The following CCDC88A variants were observed in gnomAD, a reference collection of about 807,000 sequenced individuals.
CCDC88A encodes girdin.
In CCDC88A, 54 loss-of-function variants were observed where a neutral mutation model predicts 234.3. The observed-to-expected ratio is 0.23, with a 90% CI of 0.19 to 0.29. CCDC88A has a LOEUF of 0.29. Among genes scored for constraint, CCDC88A ranks in the 10% least tolerant of loss-of-function variants. The pLI is 1.00. For missense variants in CCDC88A, 1,832 were observed against 2,123.4 expected, an observed-to-expected ratio of 0.86 and a Z score of 2.70; for synonymous variants, 753 against 737.8, an observed-to-expected ratio of 1.02 and a Z score of -0.33.
chr2:55,341,122 A>G (rs1171535534), intron 12 of CCDC88A, among the ~76,000 whole-genome samples: 2 of 149,436 alleles, frequency 1.3e-5, no homozygotes, highest in African/African-American at 2.5e-5. Flanking sequence ...ATATTGTTGC[A>G]AATGACAGAA....
At chr2:55,418,203 C>G (rs935484994) in intron 2 of CCDC88A, 4 of 152,228 alleles carry the variant, frequency 2.6e-5, no homozygotes, top group African/African-American at 9.7e-5. Flanking sequence ...ATTTGCATTT[C>G]AAAACCTGTA....
At position 55,289,784 on chromosome 2, in the gene CCDC88A, AGAGAG is replaced by A. The variant is rs1679320680; in HGVS notation, c.*1411_*1415del. 7.0e-6 allele frequency: 1 copy of A among 141,972 alleles called. No individual in the cohort carries two copies. The highest frequency in any genetic ancestry group is 2.5e-5 in the African/African-American group (1 of 40,510). The allele number at this position is 141,972 out of a possible 1,614,324, so 8.8% of individuals were successfully genotyped here. ...GAAAGAGGGAGAGAGAAAGAGAGAG[AGAGAG>A]AGAGAGAGAGAGAGACTTTTCTTAT... On this transcript the variant is annotated 3_prime_UTR_variant, in exon 33 of 33. Coordinates refer to ENST00000436346, the MANE Select transcript of CCDC88A (RefSeq NM_001365480.1).
chr2:55,345,651 C>A (rs1669024136), intron 10 of CCDC88A: 1 of 152,604 alleles, frequency 6.6e-6, no homozygotes, highest in South Asian at 2.1e-4. Flanking sequence ...CCCACCTTGG[C>A]CTCCCAAAGT....
chr2:55,293,260 T>C (rs1310487479), intron 31 of CCDC88A, among the ~76,000 whole-genome samples: 1 of 152,216 alleles, frequency 6.6e-6, no homozygotes, highest in Non-Finnish European at 1.5e-5. Context: ...ACACTAATTA[T>C]AACATTTGTG....
Position 55,288,337 on chromosome 2 carries a change from ATCT to A in CCDC88A, c.*2860_*2862del, listed in dbSNP as rs1679209690. The A allele has an allele frequency of 1.3e-5, 2 of 152,662 alleles. No individual in the cohort carries two copies. Among genetic ancestry groups the A allele is most frequent in the South Asian group, 4.1e-4 (2 of 4,836 alleles). The allele number at this position is 152,662 out of a possible 1,614,324, so 9.5% of individuals were successfully genotyped here. ...CATTCAAGACTTAAAGAAAAAATAC[ATCT>A]CAGGACTAAGTGTAGCTGAAAAGAA... On this transcript the variant is annotated 3_prime_UTR_variant, in exon 33 of 33. Coordinates refer to ENST00000436346, the MANE Select transcript of CCDC88A (RefSeq NM_001365480.1).
At chr2:55,357,207 C>A (rs1670693671) in intron 7 of CCDC88A, among the ~76,000 whole-genome samples, 1 of 152,186 alleles carries the variant, frequency 6.6e-6, no homozygotes, top group Admixed American at 6.5e-5. Flanking sequence ...ACCATGACTC[C>A]AGGCCAGTCT....
At chr2:55,305,625 T>C (rs1361767114) in intron 25 of CCDC88A, among the ~76,000 whole-genome samples, 2 of 152,186 alleles carry the variant, frequency 1.3e-5, no homozygotes, top group Non-Finnish European at 2.9e-5. Context: ...GGCAGGAGAA[T>C]AGCTTGGGGC....
At chr2:55,292,818 G>A (rs1283124376) in intron 31 of CCDC88A, 2 of 152,194 alleles carry the variant, frequency 1.3e-5, no homozygotes, top group Non-Finnish European at 2.9e-5. Context: ...ATGATATCAC[G>A]CCACTGTACT....
chr2:55,391,891 A>G (rs1427888916), intron 2 of CCDC88A, among the ~76,000 whole-genome samples: 1 of 152,236 alleles, frequency 6.6e-6, no homozygotes, highest in Admixed American at 6.5e-5. Context: ...GATTCAGTTC[A>G]GAATCGCACT....
chr2:55,322,963 A>G (rs1683817686), intron 17 of CCDC88A: 1 of 243,836 alleles, frequency 4.1e-6, no homozygotes. Flanking sequence ...GTGGATATAG[A>G]TATGTTGCTA....
chr2:55,381,582 G>A (rs1158549147), intron 3 of CCDC88A, among the ~76,000 whole-genome samples: 1 of 142,488 alleles, frequency 7.0e-6, no homozygotes, highest in African/African-American at 2.6e-5. Flanking sequence ...AAGTGCACAT[G>A]ACTATACAGA....
At chr2:55,391,763 A>C (rs769758861) in intron 2 of CCDC88A, among the ~76,000 whole-genome samples, 1 of 152,238 alleles carries the variant, frequency 6.6e-6, no homozygotes, top group African/African-American at 2.4e-5. Context: ...GAATGAACAG[A>C]GACTAAATGA....
In CCDC88A at chr2:55,386,923, C is replaced by T. The variant is rs1675734776; in HGVS notation, c.273+1855G>A. ...GGGCGCACGGCTCATGCCTACAATC[C>T]TAGCATTTTGGGAGGCCGAGGCGGG... is the stretch of plus-strand genomic sequence containing the variant. On this transcript the variant is annotated intron_variant, in intron 3 of 32. Coordinates refer to ENST00000436346, the MANE Select transcript of CCDC88A (RefSeq NM_001365480.1). Among the ~76,000 whole-genome samples, 7 of 151,754 alleles carry T rather than the reference C, an allele frequency of 4.6e-5. No individual in the cohort carries two copies. The South Asian group carries it at 1.5e-3, about 32-fold the overall frequency.
At chr2:55,303,302 G>T in intron 25 of CCDC88A, 150 bp from the exon 26 acceptor site, 1 of 611,644 alleles carries the variant, frequency 1.6e-6, no homozygotes. Context: ...TTATTCTCAT[G>T]CTGCTGAGTG....
In CCDC88A at chr2:55,309,401, G is replaced by A. The variant is rs1011315389; in HGVS notation, c.4080-147C>T. 2.2e-6 allele frequency: 1 copy of A among 450,050 alleles called. No homozygotes were observed. The highest frequency in any genetic ancestry group is 4.0e-6 in the Non-Finnish European group (1 of 252,098). 27.9% of individuals were successfully genotyped at this position (450,050 alleles called of 1,614,324 possible). On this transcript the variant is annotated intron_variant, in intron 23 of 32. Transcript: ENST00000436346. This position sits in a 1 kb window ranked among gnomAD's most constrained non-coding sequence, Gnocchi z 5.1. ...TTGGCAACTAAGATTTCATCAGGTAGTTAACAATGGGAATTTTTCCATGTT... is the reference window on the plus strand; with the variant it reads ...TTGGCAACTAAGATTTCATCAGGTAATTAACAATGGGAATTTTTCCATGTT...
intron 5 of CCDC88A, among the ~76,000 whole-genome samples, chr2:55,367,710 C>A (rs1006016976): frequency 6.6e-6 from 1 of 151,556 alleles, no homozygotes; most frequent in African/African-American, 2.4e-5. Flanking sequence ...AAAATGTTAA[C>A]CTTTAAGATG....
chr2:55,377,714 A>G (rs1010403810), intron 3 of CCDC88A, among the ~76,000 whole-genome samples: 7 of 151,878 alleles, frequency 4.6e-5, no homozygotes, highest in African/African-American at 1.7e-4. Flanking sequence ...GGTTCAAGAG[A>G]TTCTCCTGTT....
rs376065975 is a variant in CCDC88A at position 55,310,852 on chromosome 2, G to T, written c.4079+1582C>A. On this transcript the variant is annotated intron_variant, in intron 23 of 32. Transcript: ENST00000436346. ...TTAACAAGGCTGGAGTTCCCAGTTC[G>T]TTTTTCCTTTTACTTGTTGAAATAT... Among the ~76,000 whole-genome samples the T allele has an allele frequency of 2.0e-5, 3 of 152,154 alleles. No homozygotes were observed. In the East Asian group the frequency reaches 5.8e-4, roughly 29 times the overall value.
rs1178583021 is a variant in CCDC88A, at chr2:55,295,978, C to G, written c.5170G>C (p.Asp1724His). Residue 1724 changes from aspartate to histidine, a missense_variant, in exon 31 of 33, where the codon GAC becomes CAC. By Grantham distance (81) the Asp-to-His change is moderately conservative. This residue lies in a region of CCDC88A where 422 missense variants were observed against 416.5 expected (regional missense o/e 1.01). Transcript: ENST00000436346. ...LSVSSDFLGK[D>H]KPVSCGLARS... is the part of the protein sequence containing the mutation. Reference sequence around the variant, plus strand: ...GCCAGACCACAGCTAACTGGTTTGTCTTTTCCCAAAAAGTCAGAAGAGACA... The same window carrying G: ...GCCAGACCACAGCTAACTGGTTTGTGTTTTCCCAAAAAGTCAGAAGAGACA... 1 of 1,613,550 alleles carries G rather than the reference C, an allele frequency of 6.2e-7. No individual in the cohort carries two copies. Among genetic ancestry groups the G allele is most frequent in the Non-Finnish European group, 8.5e-7 (1 of 1,179,890 alleles).
Sources: gnomAD v4.1 joint callset for allele counts (sites outside exome capture counted in the v4.1 genomes callset) on GRCh38, gnomAD v4.1.1 for gene constraint, gnomAD v4.1.1 regional missense constraint, Gnocchi (gnomAD v3.1) non-coding constraint, MANE v1.5 for transcripts, NCBI Gene and HGNC (gene_info 2026-07-23, HGNC 2026-07-21) for gene names.